SPTBN1: variants seen among roughly 807,000 people sequenced by gnomAD.
The protein encoded by SPTBN1 is spectrin beta chain, non-erythrocytic 1.
In SPTBN1, 32 loss-of-function variants were observed where a neutral mutation model predicts 266.4. The ratio of observed to expected loss-of-function variants is 0.12; its 90% CI spans 0.09 to 0.16. The LOEUF (loss-of-function observed/expected upper bound fraction) is 0.16, where lower values mean the gene tolerates loss of function less well. Ranked by LOEUF, SPTBN1 falls within the 10% of genes least tolerant of loss-of-function variation. The pLI is 1.00. For missense variants in SPTBN1, 2,296 were observed against 3,067.1 expected (o/e 0.75, Z 5.94); for synonymous variants, 1,336 against 1,162.2 (o/e 1.15, Z -3.04).
chr2:54,600,738 G>C (rs766571500), intron 3 of SPTBN1, among the ~76,000 whole-genome samples: 3 of 141,244 alleles, frequency 2.1e-5, no homozygotes, highest in Admixed American at 1.4e-4. Flanking sequence ...TTTGTGGAGT[G>C]GGGGAATGGT....
In SPTBN1 at chr2:54,646,518, G is replaced by C; in HGVS notation, c.4866+43G>C. On this transcript the variant is annotated intron_variant, in intron 23 of 35. Coordinates refer to ENST00000356805, the MANE Select transcript of SPTBN1 (RefSeq NM_003128.3). This position sits in a 1 kb window ranked among gnomAD's most constrained non-coding sequence, Gnocchi z 4.4. ...GCATCCCTGTCCCAGGAGAGCCTCA[G>C]ATTCAAACCCTGGGCACACTTTCTG... 2.1e-6 allele frequency: 3 copies of C among 1,450,916 alleles called. No individual in the cohort carries two copies. Among genetic ancestry groups the C allele is most frequent in the Non-Finnish European group, 2.7e-6 (3 of 1,101,842 alleles). The allele number at this position is 1,450,916 out of a possible 1,614,324, so 89.9% of individuals were successfully genotyped here.
intron 1 of SPTBN1, among the ~76,000 whole-genome samples, chr2:54,460,619 G>A (rs1436911121): frequency 2.0e-5 from 3 of 152,128 alleles, no homozygotes; most frequent in African/African-American, 7.2e-5. Flanking sequence ...TCAATGTCCT[G>A]CCCTCTCGTC....
Position 54,584,357 on chromosome 2 carries a change from A to G in SPTBN1, c.149-14735A>G, listed in dbSNP as rs570201819. ...CAATTATTTTTTAAATCTGTAGTGCACATTCTGTACATCTTCGTTTTCTTG... is the reference window on the plus strand; with the variant it reads ...CAATTATTTTTTAAATCTGTAGTGCGCATTCTGTACATCTTCGTTTTCTTG... On this transcript the variant is annotated intron_variant, in intron 2 of 35. Coordinates refer to ENST00000356805, the MANE Select transcript of SPTBN1 (RefSeq NM_003128.3). Among the ~76,000 whole-genome samples the G allele has an allele frequency of 2.8e-4, 42 of 152,310 alleles. 1 individual carries two copies. Among genetic ancestry groups the G allele is most frequent in the Admixed American group, 7.2e-4 (11 of 15,306 alleles).
chr2:54,664,886 G>A lies in SPTBN1; in HGVS notation c.6659+195G>A. 3.2e-6 allele frequency: 2 copies of A among 616,762 alleles called. No individual in the cohort carries two copies. The highest frequency in any genetic ancestry group is 5.5e-6 in the Non-Finnish European group (2 of 360,468). 38.2% of individuals were successfully genotyped at this position (616,762 alleles called of 1,614,324 possible). The stretch of plus-strand genomic sequence containing the variant: ...TGCTGGTTATTCACTGAGAGAAGAA[G>A]AGTTGAGTTTGGATGGGAGTAGCTA... On this transcript the variant is annotated intron_variant, in intron 33 of 35. Coordinates refer to ENST00000356805, the MANE Select transcript of SPTBN1 (RefSeq NM_003128.3). This position sits in a 1 kb window ranked among gnomAD's most constrained non-coding sequence, Gnocchi z 5.6.
intron 3 of SPTBN1, among the ~76,000 whole-genome samples, chr2:54,603,811 C>G (rs1224810588): frequency 6.6e-6 from 1 of 152,020 alleles, no homozygotes; most frequent in African/African-American, 2.4e-5. Context: ...ATGTGTATAG[C>G]AAAAATCTAT....
intron 26 of SPTBN1, among the ~76,000 whole-genome samples, chr2:54,650,832 A>G (rs1171762212): frequency 6.6e-6 from 1 of 152,250 alleles, no homozygotes; most frequent in East Asian, 1.9e-4. Flanking sequence ...ATCTTTATTT[A>G]CAGAAACAGG....
At chr2:54,589,473 G>A (rs1223201593) in intron 2 of SPTBN1, among the ~76,000 whole-genome samples, 1 of 152,224 alleles carries the variant, frequency 6.6e-6, no homozygotes, top group African/African-American at 2.4e-5. Context: ...GTAGGTGCCA[G>A]GTCATAGAGA....
chr2:54,665,132 T>C (rs1254783308), intron 33 of SPTBN1, among the ~76,000 whole-genome samples: 1 of 152,182 alleles, frequency 6.6e-6, no homozygotes, highest in Non-Finnish European at 1.5e-5. Flanking sequence ...GAACAGAGGC[T>C]CTGAGCGGTT....
chr2:54,486,280 G>C (rs976784876), intron 1 of SPTBN1, among the ~76,000 whole-genome samples: 2 of 152,088 alleles, frequency 1.3e-5, no homozygotes, highest in African/African-American at 2.4e-5. Flanking sequence ...GAATAGAAAG[G>C]GGGGAAAGGT....
chr2:54,643,442 G>A (rs1054557591), intron 19 of SPTBN1, among the ~76,000 whole-genome samples: 3 of 152,180 alleles, frequency 2.0e-5, no homozygotes, highest in Non-Finnish European at 2.9e-5. Context: ...GGATTCCACT[G>A]TCTTGATCAT....
chr2:54,509,956 CTT>C (rs5831312), intron 1 of SPTBN1, among the ~76,000 whole-genome samples: 339 of 131,596 alleles, frequency 2.6e-3, no homozygotes, highest in Middle Eastern at 3.9e-3. Context: ...TGCTTTCTTT[CTT>C]TTTTTTTTTT....
chr2:54,519,629 C>A (rs555538349), intron 1 of SPTBN1, among the ~76,000 whole-genome samples: 1 of 152,196 alleles, frequency 6.6e-6, no homozygotes, highest in Admixed American at 6.5e-5. Flanking sequence ...ATCTCATTTT[C>A]TCTCCTAAGG....
chr2:54,541,222 C>T (rs970330697), intron 2 of SPTBN1, among the ~76,000 whole-genome samples: 1 of 152,200 alleles, frequency 6.6e-6, no homozygotes, highest in African/African-American at 2.4e-5. Flanking sequence ...TTATATGTCT[C>T]TACTATGAAC....
intron 2 of SPTBN1, among the ~76,000 whole-genome samples, chr2:54,531,163 C>T (rs1671213644): frequency 6.6e-6 from 1 of 152,172 alleles, no homozygotes; most frequent in African/African-American, 2.4e-5. Flanking sequence ...GTGAGTTGTT[C>T]TAGCATATTA....
Position 54,558,725 on chromosome 2 carries a change from G to T in SPTBN1, c.148+32159G>T. Reference sequence around the variant, plus strand: ...CTGCGTGTTGGATGGGAGTGGGAGGGGGCTGGAGCGAGATTTCCAGGGCGC... The same window carrying T: ...CTGCGTGTTGGATGGGAGTGGGAGGTGGCTGGAGCGAGATTTCCAGGGCGC... On this transcript the variant is annotated intron_variant, in intron 2 of 35. Transcript: ENST00000356805. This position sits in a 1 kb window ranked among gnomAD's most constrained non-coding sequence, Gnocchi z 4.6. 6.3e-7 allele frequency: 1 copy of T among 1,587,740 alleles called. No individual in the cohort carries two copies. Among genetic ancestry groups the T allele is most frequent in the Non-Finnish European group, 8.6e-7 (1 of 1,163,152 alleles).
chr2:54,630,674 A>G (rs1013617676), intron 15 of SPTBN1, among the ~76,000 whole-genome samples, 181 bp from the exon 16 acceptor site: 1 of 152,206 alleles, frequency 6.6e-6, no homozygotes, highest in Non-Finnish European at 1.5e-5. Flanking sequence ...TGCATCCCTG[A>G]GCTATTTCCA....
chr2:54,645,448 G>A lies in SPTBN1; in HGVS notation c.4489G>A (p.Glu1497Lys). 6.2e-7 allele frequency: 1 copy of A among 1,613,968 alleles called. No individual in the cohort carries two copies. The highest frequency in any genetic ancestry group is 8.5e-7 in the Non-Finnish European group (1 of 1,179,978). The change falls in exon 21 of 36, where the codon GAG becomes AAG. Residue 1497 changes from glutamate (E) to lysine (K), a missense_variant. This residue lies in a region of SPTBN1 where 644 missense variants were observed against 745.3 expected (regional missense o/e 0.86). Transcript: ENST00000356805. The surrounding 1 kb of genome is among the most constrained non-coding windows in gnomAD (Gnocchi z 4.3). ...IHQFNRDVEDEILWVGERMPL... is the reference protein window; with the variant it reads ...IHQFNRDVEDKILWVGERMPL... ...TCAGTTCAACAGGGATGTGGAGGAC[G>A]AGATCGTGAGTCGACCCCTACTGCA... is the stretch of plus-strand genomic sequence containing the variant.
chr2:54,603,878 C>T (rs576724527), intron 3 of SPTBN1, among the ~76,000 whole-genome samples: 2 of 152,196 alleles, frequency 1.3e-5, no homozygotes, highest in Non-Finnish European at 2.9e-5. Context: ...TTGCTGAGAT[C>T]AGTGTCTTCT....
At chr2:54,473,121 A>G (rs1694009641) in intron 1 of SPTBN1, among the ~76,000 whole-genome samples, 1 of 152,030 alleles carries the variant, frequency 6.6e-6, no homozygotes, top group Admixed American at 6.6e-5. Context: ...TTGCTTTGTC[A>G]CTTTCCGTAT....
Sources: gnomAD v4.1 joint callset for allele counts (sites outside exome capture counted in the v4.1 genomes callset) on GRCh38, gnomAD v4.1.1 for gene constraint, gnomAD v4.1.1 regional missense constraint, Gnocchi (gnomAD v3.1) non-coding constraint, MANE v1.5 for transcripts, NCBI Gene and HGNC (gene_info 2026-07-23, HGNC 2026-07-21) for gene names.